LRIF1: variants seen among roughly 807,000 people sequenced by gnomAD.
LRIF1 encodes the protein ligand dependent nuclear receptor interacting factor 1.
A neutral mutation model predicts 52.7 loss-of-function variants in LRIF1; 32 were observed. That is an observed-to-expected ratio of 0.61 (90% CI 0.46 to 0.82). The LOEUF is 0.82. Among genes scored for constraint, LRIF1 ranks in the 40% least tolerant of loss-of-function variants. The pLI is 0.00. For synonymous variants in LRIF1, 323 were observed against 317.4 expected (o/e 1.02, Z -0.19); for missense variants, 887 against 892.0 (o/e 0.99, Z 0.07).
chr1:110,951,197 GAA>G, intron 2 of LRIF1, 89 bp downstream of exon 2: 1 of 1,066,646 alleles, frequency 9.4e-7, no homozygotes, highest in Admixed American at 2.3e-5. Context: ...GGCAGTGGGG[GAA>G]AGAGGTATCA....
chr1:110,902,308 A>C, the LRIF1 span, among the ~76,000 whole-genome samples: 4 of 152,174 alleles, frequency 2.6e-5, no homozygotes, highest in African/African-American at 4.8e-5. Flanking sequence ...TGCCATTCTC[A>C]TTTTGTTTTA....
Position 110,950,026 on chromosome 1 carries a change from T to C in LRIF1, c.1694A>G (p.Lys565Arg). The change falls in exon 3 of 4, where the codon AAG (lysine) becomes AGG (arginine). Residue 565 changes from lysine (K) to arginine (R), a missense_variant. Transcript: ENST00000369763. The stretch of plus-strand genomic sequence containing the variant: ...TATCTTTTTAAATTCAGCATCACTC[T>C]TCAGATGTAATGCCTTATTACTTCT... ...QGRSNKALHL[K>R]SDAEFKKIFG... is the part of the protein sequence containing the mutation. The C allele has an allele frequency of 6.2e-7, 1 of 1,614,086 alleles. No homozygotes were observed. Among genetic ancestry groups the C allele is most frequent in the Non-Finnish European group, 8.5e-7 (1 of 1,179,948 alleles).
the LRIF1 span, chr1:110,940,426 C>T: frequency 6.6e-6 from 1 of 152,128 alleles, no homozygotes; most frequent in Admixed American, 6.5e-5. Flanking sequence ...TTTGGAGGTT[C>T]CTGAAAAAAA....
chr1:110,901,391 T>C, the LRIF1 span, among the ~76,000 whole-genome samples: 1 of 151,730 alleles, frequency 6.6e-6, no homozygotes, highest in Non-Finnish European at 1.5e-5. Flanking sequence ...TTGGTCAGGC[T>C]GGTCCCGAAC....
At chr1:110,912,491 T>G in the LRIF1 span, among the ~76,000 whole-genome samples, 1 of 152,254 alleles carries the variant, frequency 6.6e-6, no homozygotes, top group African/African-American at 2.4e-5. Flanking sequence ...GGATTACAGG[T>G]GTGAGCCACT....
the LRIF1 span, chr1:110,892,277 G>A: frequency 1.9e-6 from 2 of 1,056,258 alleles, no homozygotes; most frequent in Non-Finnish European, 3.0e-6. Flanking sequence ...TCTCAAGGAA[G>A]TGAGAATATG....
chr1:110,898,992 C>T, the LRIF1 span: 1 of 647,896 alleles, frequency 1.5e-6, no homozygotes, highest in Non-Finnish European at 2.7e-6. Flanking sequence ...CTGAGAGAGA[C>T]TTGAAAGTAA....
chr1:110,920,622 T>C, the LRIF1 span, among the ~76,000 whole-genome samples: 2 of 152,190 alleles, frequency 1.3e-5, no homozygotes, highest in Non-Finnish European at 2.9e-5. Flanking sequence ...CGTGTCATTA[T>C]AACATTTGTC....
chr1:110,912,459 G>T, the LRIF1 span, among the ~76,000 whole-genome samples: 66 of 152,102 alleles, frequency 4.3e-4, no homozygotes, highest in African/African-American at 1.6e-3. Flanking sequence ...TAATCCACTT[G>T]CCTCAGCCTC....
rs777861412 is a variant in LRIF1, at chr1:110,951,770, T to C, written c.1114A>G (p.Thr372Ala). Reference protein sequence around the residue: ...GKVYLLAKKGTDVLPSQIDQQ... With the variant: ...GKVYLLAKKGADVLPSQIDQQ... ...TCAATTTGTGATGGCAGAACATCTG[T>C]CCCCTTTTTAGCCAACAGATAGACT... Residue 372 changes from threonine to alanine, a missense_variant, in exon 2 of 4, where the codon ACA becomes GCA. Physicochemically the swap from Thr to Ala is moderately conservative, Grantham distance 58. Coordinates refer to ENST00000369763, the MANE Select transcript of LRIF1 (RefSeq NM_018372.4). The C allele has an allele frequency of 2.5e-6, 4 of 1,612,924 alleles. No homozygotes were observed. In the South Asian group the frequency reaches 4.4e-5, roughly 18 times the overall value.
chr1:110,929,422 ATC>A, the LRIF1 span, among the ~76,000 whole-genome samples: 1 of 152,142 alleles, frequency 6.6e-6, no homozygotes, highest in East Asian at 1.9e-4. Context: ...CCTCACCAGC[ATC>A]TGTTATTTTT....
the LRIF1 span, among the ~76,000 whole-genome samples, chr1:110,921,204 TTTAA>T: frequency 6.6e-6 from 1 of 152,220 alleles, no homozygotes; most frequent in Non-Finnish European, 1.5e-5. Context: ...GAGTAAAGGT[TTTAA>T]TTAAGTTACG....
the LRIF1 span, among the ~76,000 whole-genome samples, chr1:110,928,084 T>C: frequency 6.6e-6 from 1 of 152,186 alleles, no homozygotes. Flanking sequence ...AGTTTTTGGC[T>C]ATCTTTTAAG....
At position 110,948,171 on chromosome 1, in the gene LRIF1, G is replaced by C. The variant is rs1196420807; in HGVS notation, c.2098C>G (p.His700Asp). 6.2e-7 allele frequency: 1 copy of C among 1,613,994 alleles called. No homozygotes were observed. The highest frequency in any genetic ancestry group is 1.7e-5 in the Admixed American group (1 of 60,012). Residue 700 changes from histidine to aspartate, a missense_variant, in exon 4 of 4, where the codon CAT (histidine) becomes GAT (aspartate). By Grantham distance (81) the His-to-Asp change is moderately conservative. Transcript: ENST00000369763. ...EKRTEMEYYT[H>D]EKQEKGTLNS... ...AAAGTGCCTTTCTCTTGCTTCTCAT[G>C]GGTATAGTATTCCATCTCAGTTCTC...
At chr1:110,957,391 T>C (rs1464654485) in intron 1 of LRIF1, among the ~76,000 whole-genome samples, 1 of 120,204 alleles carries the variant, frequency 8.3e-6, no homozygotes, top group East Asian at 2.5e-4. Flanking sequence ...GACAATGGAG[T>C]GAGGAGGCGG....
the LRIF1 span, among the ~76,000 whole-genome samples, chr1:110,914,218 T>C: frequency 6.6e-6 from 1 of 152,098 alleles, no homozygotes; most frequent in Middle Eastern, 3.2e-3. Flanking sequence ...GCTCACTCCC[T>C]GGGTGACAAA....
the LRIF1 span, among the ~76,000 whole-genome samples, chr1:110,913,577 G>A: frequency 6.6e-6 from 1 of 152,062 alleles, no homozygotes; most frequent in African/African-American, 2.4e-5. Flanking sequence ...TTAGAGAAAT[G>A]CAAATCAAAA....
chr1:110,897,749 C>T, the LRIF1 span: 3 of 1,016,436 alleles, frequency 3.0e-6, no homozygotes, highest in Non-Finnish European at 4.6e-6. Flanking sequence ...CTTCCAAATA[C>T]TTCCTCTTGA....
At chr1:110,932,344 A>C in the LRIF1 span, among the ~76,000 whole-genome samples, 2 of 151,998 alleles carry the variant, frequency 1.3e-5, no homozygotes, top group African/African-American at 2.4e-5. Context: ...TGGTCTATAT[A>C]TCTGTTTTGG....
Sources: gnomAD v4.1 joint callset for allele counts (sites outside exome capture counted in the v4.1 genomes callset) on GRCh38, gnomAD v4.1.1 for gene constraint, MANE v1.5 for transcripts, NCBI Gene and HGNC (gene_info 2026-07-23, HGNC 2026-07-21) for gene names.